ASH1L: variants seen among roughly 807,000 people sequenced by gnomAD.
ASH1L encodes histone-lysine N-methyltransferase ASH1L.
ASH1L carries 23 observed loss-of-function variants against 269.0 expected under a neutral mutation model. The ratio of observed to expected loss-of-function variants is 0.09; its 90% CI spans 0.06 to 0.12. ASH1L has a LOEUF of 0.12. ASH1L is among the 10% of genes least tolerant of loss of function. The pLI is 1.00. For missense variants in ASH1L, 2,912 were observed against 3,567.8 expected, an observed-to-expected ratio of 0.82 and a Z score of 4.68; for synonymous variants, 1,187 against 1,253.5, an observed-to-expected ratio of 0.95 and a Z score of 1.12.
intron 1 of ASH1L, among the ~76,000 whole-genome samples, chr1:155,525,677 T>A (rs1203866143): frequency 6.6e-6 from 1 of 152,112 alleles, no homozygotes; most frequent in Admixed American, 6.5e-5. Context: ...CTCAGACCTA[T>A]ATTTAAGCTT....
At chr1:155,486,843 T>C (rs1192214583) in intron 2 of ASH1L, among the ~76,000 whole-genome samples, 1 of 150,794 alleles carries the variant, frequency 6.6e-6, no homozygotes, top group Admixed American at 6.6e-5. Flanking sequence ...CGCAATACCA[T>C]GTATTACAGT....
At chr1:155,392,853 T>G (rs955416430) in intron 7 of ASH1L, among the ~76,000 whole-genome samples, 5 of 151,872 alleles carry the variant, frequency 3.3e-5, no homozygotes, top group Non-Finnish European at 5.9e-5. Flanking sequence ...TTTTTTTTTT[T>G]TTGAGATGGA....
intron 4 of ASH1L, among the ~76,000 whole-genome samples, chr1:155,455,797 G>A (rs1225243020): frequency 2.0e-5 from 3 of 152,022 alleles, no homozygotes; most frequent in Non-Finnish European, 4.4e-5. Context: ...CTTTTTTCTG[G>A]GTCTGACAAA....
At chr1:155,488,920 G>GTA (rs1666546286) in intron 2 of ASH1L, among the ~76,000 whole-genome samples, 1 of 151,928 alleles carries the variant, frequency 6.6e-6, no homozygotes, top group African/African-American at 2.4e-5. Flanking sequence ...AAGAACCAAA[G>GTA]TATAAATAAT....
At chr1:155,345,620 G>A (rs1431951112) in intron 21 of ASH1L, among the ~76,000 whole-genome samples, 1 of 145,768 alleles carries the variant, frequency 6.9e-6, no homozygotes, top group Non-Finnish European at 1.5e-5. Context: ...TGTTGCCCAG[G>A]CTAGAATGCA....
At chr1:155,447,450 G>A (rs910107096) in intron 4 of ASH1L, among the ~76,000 whole-genome samples, 2 of 151,930 alleles carry the variant, frequency 1.3e-5, no homozygotes, top group South Asian at 2.1e-4. Flanking sequence ...GGCTGGTCTC[G>A]AACTCCTGAG....
At chr1:155,358,530 T>A (rs370190647) in intron 13 of ASH1L, among the ~76,000 whole-genome samples, 1 of 151,324 alleles carries the variant, frequency 6.6e-6, no homozygotes, top group African/African-American at 2.4e-5. Context: ...CTAAAAAAAA[T>A]ACAAAAAATT....
In ASH1L at chr1:155,479,204, C is replaced by G. The variant is rs1253113312; in HGVS notation, c.3666G>C (p.Lys1222Asn). 6.2e-7 allele frequency: 1 copy of G among 1,614,070 alleles called. No individual in the cohort carries two copies. The highest frequency in any genetic ancestry group is 8.5e-7 in the Non-Finnish European group (1 of 1,179,990). The change falls in exon 3 of 28, where the codon AAG becomes AAC. Residue 1222 changes from lysine to asparagine, a missense_variant. Lys to Asn is a moderately conservative substitution (Grantham distance 94). This residue lies in a region of ASH1L where 789 missense variants were observed against 897.6 expected (regional missense o/e 0.88). Transcript: ENST00000392403. Reference protein sequence around the residue: ...DRAEKFCGQKKRRHSFEHVSL... With the variant: ...DRAEKFCGQKNRRHSFEHVSL... ...AAACATGCTCAAAAGAATGCCTCCT[C>G]TTTTTTTGCCCACAAAATTTCTCTG...
chr1:155,349,884 C>CTT lies in ASH1L; in HGVS notation c.7367-290_7367-289dup, dbSNP rs1299756334. ...AGGCGTGTACCACCACGCCAAGCTA[C>CTT]TTTTTTTTTTTTTTTTTTTTTTGAG... On this transcript the variant is annotated intron_variant, in intron 17 of 27. Transcript: ENST00000392403. Among the ~76,000 whole-genome samples, 137 of 97,640 alleles carry CTT rather than the reference C, an allele frequency of 1.4e-3. 1 individual carries two copies. Among genetic ancestry groups the CTT allele is most frequent in the African/African-American group, 3.9e-3 (100 of 25,758 alleles). The allele number at this position is 97,640 out of a possible 152,430, so 64.1% of individuals were successfully genotyped here.
chr1:155,525,691 C>T (rs1669203711), intron 1 of ASH1L, among the ~76,000 whole-genome samples: 1 of 152,102 alleles, frequency 6.6e-6, no homozygotes, highest in South Asian at 2.1e-4. Flanking sequence ...TAAGCTTGCA[C>T]TGACCTGATC....
intron 12 of ASH1L, among the ~76,000 whole-genome samples, chr1:155,364,443 A>C (rs551433375): frequency 2.6e-4 from 40 of 152,258 alleles, no homozygotes; most frequent in African/African-American, 9.1e-4. Flanking sequence ...TCTACCAGCA[A>C]ATCTAAGAGC....
intron 7 of ASH1L, among the ~76,000 whole-genome samples, chr1:155,389,339 G>T (rs1312490765): frequency 6.6e-6 from 1 of 151,622 alleles, no homozygotes; most frequent in African/African-American, 2.4e-5. Context: ...TTTACTTGGA[G>T]ATATATATTT....
In ASH1L at chr1:155,357,417, AAG is replaced by A; in HGVS notation, c.6961-9_6961-8del. The A allele has an allele frequency of 1.2e-6, 2 of 1,610,188 alleles. No individual in the cohort carries two copies. The highest frequency in any genetic ancestry group is 4.5e-5 in the East Asian group (2 of 44,850). On this transcript the variant is annotated splice_polypyrimidine_tract_variant and splice_region_variant and intron_variant, in intron 14 of 27. Coordinates refer to ENST00000392403, the MANE Select transcript of ASH1L (RefSeq NM_018489.3). ...CCTCAGAGAGATGGCCTCTCTGAAA[AAG>A]AGATGGATCAGATTAGAGATTTAAA...
At chr1:155,356,712 G>A (rs1369783587) in intron 15 of ASH1L, among the ~76,000 whole-genome samples, 1 of 151,728 alleles carries the variant, frequency 6.6e-6, no homozygotes, top group Non-Finnish European at 1.5e-5. Context: ...GAATTCCTGG[G>A]CTCAAGTAAT....
chr1:155,540,876 AACAT>A (rs1670382392), intron 1 of ASH1L, among the ~76,000 whole-genome samples: 2 of 152,216 alleles, frequency 1.3e-5, no homozygotes, highest in African/African-American at 4.8e-5. Flanking sequence ...CCTCCTTTAG[AACAT>A]ACAGTTAGTT....
chr1:155,415,373 C>T (rs1660122081), intron 6 of ASH1L, among the ~76,000 whole-genome samples: 1 of 142,998 alleles, frequency 7.0e-6, no homozygotes, highest in African/African-American at 2.6e-5. Flanking sequence ...CAGGGCGAGA[C>T]TCCGTCTCAA....
At chr1:155,345,555 G>C (rs1431569368) in intron 21 of ASH1L, among the ~76,000 whole-genome samples, 2 of 148,606 alleles carry the variant, frequency 1.3e-5, no homozygotes, top group Non-Finnish European at 3.0e-5. Context: ...TTATAGGTGT[G>C]AGCCACCATG....
intron 4 of ASH1L, among the ~76,000 whole-genome samples, chr1:155,456,888 G>A (rs191221195): frequency 4.1e-4 from 63 of 152,160 alleles, no homozygotes; most frequent in Non-Finnish European, 7.1e-4. Context: ...ACCCCCCACC[G>A]CCAAAAGGAT....
In ASH1L at chr1:155,562,725, T is replaced by G. The variant is rs1372462165; in HGVS notation, c.-672A>C. On this transcript the variant is annotated 5_prime_UTR_variant, in exon 1 of 28. Transcript: ENST00000392403. ...CACAGGAACCCCCTCGTCCAGTCCC[T>G]CACTACCCCTCAGGCCCTGTCAAGC... 4 of 1,363,252 alleles carry G rather than the reference T, an allele frequency of 2.9e-6. No homozygotes were observed. The highest frequency in any genetic ancestry group is 3.0e-6 in the Non-Finnish European group (3 of 997,836). The allele number at this position is 1,363,252 out of a possible 1,614,324, so 84.4% of individuals were successfully genotyped here.
Sources: gnomAD v4.1 joint callset for allele counts (sites outside exome capture counted in the v4.1 genomes callset) on GRCh38, gnomAD v4.1.1 for gene constraint, gnomAD v4.1.1 regional missense constraint, MANE v1.5 for transcripts, NCBI Gene and HGNC (gene_info 2026-07-23, HGNC 2026-07-21) for gene names.